Variants in NRG1 observed in about 807,000 individuals in gnomAD.
NRG1 encodes the protein pro-neuregulin-1, membrane-bound isoform.
In NRG1, 18 loss-of-function variants were observed where a neutral mutation model predicts 63.8. The ratio of observed to expected loss-of-function variants is 0.28; its 90% CI spans 0.19 to 0.42. The LOEUF (loss-of-function observed/expected upper bound fraction) is 0.42. Ranked by LOEUF, NRG1 falls within the 10% of genes least tolerant of loss-of-function variation. The probability of loss-of-function intolerance (pLI) is 1.00; values close to 1 mark genes in which losing one functional copy is unlikely to be tolerated. For synonymous variants in NRG1, 302 were observed against 301.3 expected, an observed-to-expected ratio of 1.00 and a Z score of -0.02; for missense variants, 762 against 814.7, an observed-to-expected ratio of 0.94 and a Z score of 0.79.
intron 1 of NRG1, among the ~76,000 whole-genome samples, chr8:31,749,604 T>C (rs1207323482): frequency 1.3e-5 from 2 of 151,824 alleles, no homozygotes; most frequent in African/African-American, 4.8e-5. Context: ...TCTTTTTCTT[T>C]TGTGCTTTCT....
intron 1 of NRG1, among the ~76,000 whole-genome samples, chr8:32,531,146 A>C (rs898433656): frequency 5.9e-5 from 9 of 152,070 alleles, no homozygotes; most frequent in Non-Finnish European, 8.8e-5. Context: ...GAAGGAGAGA[A>C]GGAGAGAAAA....
chr8:31,988,289 C>T (rs575990036), intron 1 of NRG1, among the ~76,000 whole-genome samples: 12 of 152,102 alleles, frequency 7.9e-5, no homozygotes, highest in South Asian at 6.2e-4. Flanking sequence ...TTTCAGAGTT[C>T]GACCATAACT....
At chr8:32,148,331 G>T (rs904041361) in intron 1 of NRG1, among the ~76,000 whole-genome samples, 1 of 152,160 alleles carries the variant, frequency 6.6e-6, no homozygotes, top group African/African-American at 2.4e-5. Flanking sequence ...CATAATACCT[G>T]CAGGAAGTGG....
intron 1 of NRG1, among the ~76,000 whole-genome samples, chr8:32,592,608 A>G (rs1365821509): frequency 6.6e-6 from 1 of 152,186 alleles, no homozygotes; most frequent in Non-Finnish European, 1.5e-5. Flanking sequence ...AAGAGGAAGG[A>G]GAGACGAGCT....
chr8:32,141,546 A>G (rs201810696), intron 1 of NRG1, among the ~76,000 whole-genome samples: 60 of 137,746 alleles, frequency 4.4e-4, no homozygotes, highest in Middle Eastern at 3.8e-3. Context: ...GTGTGTGTGT[A>G]TATATATACT....
intron 1 of NRG1, among the ~76,000 whole-genome samples, chr8:31,965,459 G>A (rs1034985387): frequency 3.3e-5 from 5 of 152,266 alleles, no homozygotes; most frequent in African/African-American, 1.2e-4. Context: ...CCAACCTCAT[G>A]TGATCCACCC....
At chr8:31,929,830 C>G (rs1291322702) in intron 1 of NRG1, among the ~76,000 whole-genome samples, 1 of 152,112 alleles carries the variant, frequency 6.6e-6, no homozygotes, top group Admixed American at 6.6e-5. Context: ...GTACTCCTAC[C>G]TGTTGATCTT....
At chr8:32,764,100 C>G in exon 12 of NRG1, 2 of 1,614,118 alleles carry the variant, frequency 1.2e-6, no homozygotes, top group Non-Finnish European at 8.5e-7. Context: ...TGTTAAGAAA[C>G]TCGCCAATAG....
chr8:32,027,395 T>C (rs547494163), intron 1 of NRG1, among the ~76,000 whole-genome samples: 1 of 152,072 alleles, frequency 6.6e-6, no homozygotes, highest in South Asian at 2.1e-4. Context: ...GTATGTTTTT[T>C]ATAAATTTCC....
At chr8:32,704,775 A>G (rs28374316) in intron 5 of NRG1, among the ~76,000 whole-genome samples, 20,389 of 152,196 alleles carry the variant, frequency 0.13, 1,590 homozygotes, top group Middle Eastern at 0.3. Context: ...TCCTCAAGTC[A>G]TAGTGCAAAC....
intron 1 of NRG1, among the ~76,000 whole-genome samples, chr8:32,444,725 A>G (rs1255548261): frequency 1.3e-5 from 2 of 152,192 alleles, no homozygotes; most frequent in African/African-American, 4.8e-5. Flanking sequence ...GAAGTCTCAC[A>G]ATTTTGTCAA....
chr8:32,355,766 T>A (rs1806302535), intron 1 of NRG1, among the ~76,000 whole-genome samples: 1 of 152,194 alleles, frequency 6.6e-6, no homozygotes, highest in Non-Finnish European at 1.5e-5. Flanking sequence ...TTTATTTTAA[T>A]CTTTTGTTTT....
At chr8:31,695,604 A>AGGG (rs1809981651) in intron 1 of NRG1, among the ~76,000 whole-genome samples, 1 of 152,224 alleles carries the variant, frequency 6.6e-6, no homozygotes, top group Non-Finnish European at 1.5e-5. Context: ...TGGGGATTAC[A>AGGG]ATTCAACATG....
At chr8:32,089,710 G>A (rs539201131) in intron 1 of NRG1, among the ~76,000 whole-genome samples, 1 of 152,122 alleles carries the variant, frequency 6.6e-6, no homozygotes, top group Non-Finnish European at 1.5e-5. Context: ...TGACAGAAAC[G>A]CTCATACATT....
intron 1 of NRG1, among the ~76,000 whole-genome samples, chr8:32,422,892 T>C (rs953582998): frequency 6.6e-6 from 1 of 152,236 alleles, no homozygotes; most frequent in Non-Finnish European, 1.5e-5. Context: ...AACTATGATA[T>C]AATCAGGCTT....
intron 1 of NRG1, among the ~76,000 whole-genome samples, chr8:31,845,215 T>G (rs994326589): frequency 1.3e-5 from 2 of 152,196 alleles, no homozygotes; most frequent in African/African-American, 2.4e-5. Flanking sequence ...CCAGTTTATA[T>G]TTTATGGTTA....
intron 1 of NRG1, among the ~76,000 whole-genome samples, chr8:31,840,219 A>T (rs1480651959): frequency 6.6e-6 from 1 of 152,160 alleles, no homozygotes; most frequent in Non-Finnish European, 1.5e-5. Context: ...AAATTCAATG[A>T]CAAAGCCAGC....
chr8:32,068,417 T>G lies in NRG1; in HGVS notation c.37+428986T>G, dbSNP rs543618831. ...AATGTGGACAAAGTCAGACACTACT[T>G]TAGCACAGGATGAGATGCCAGAAGA... On this transcript the variant is annotated intron_variant, in intron 1 of 10. Coordinates refer to the NRG1 transcript ENST00000519301. 1.7e-3 allele frequency among the ~76,000 whole-genome samples: 260 copies of G among 152,266 alleles called. 1 individual carries two copies. The highest frequency in any genetic ancestry group is 5.7e-3 in the African/African-American group (238 of 41,570).
chr8:32,407,275 T>TTATATATATATATATATATTA (rs1211920021), intron 1 of NRG1, among the ~76,000 whole-genome samples: 5 of 47,592 alleles, frequency 1.1e-4, no homozygotes, highest in African/African-American at 3.5e-4. Flanking sequence ...TATATATATA[T>TTATATATATATATATATATTA]TATATATATA....
Sources: allele counts gnomAD v4.1 joint callset (sites outside exome capture counted in the v4.1 genomes callset), GRCh38; gene constraint gnomAD v4.1.1; transcripts MANE v1.5; gene names NCBI Gene and HGNC (gene_info 2026-07-23, HGNC 2026-07-21).